The following PDE1C variants were observed in gnomAD, a reference collection of about 807,000 sequenced individuals.
The protein encoded by PDE1C is phosphodiesterase 1C.
Under a neutral mutation model 93.1 loss-of-function variants are expected in PDE1C, and 62 were observed. The ratio of observed to expected loss-of-function variants is 0.67; its 90% CI spans 0.54 to 0.82. The LOEUF is 0.82. Among genes scored for constraint, PDE1C ranks in the 40% least tolerant of loss-of-function variants. The probability of loss-of-function intolerance (pLI) is 0.00; values close to 1 mark genes in which losing one functional copy is unlikely to be tolerated. For synonymous variants in PDE1C, 325 were observed against 310.1 expected (o/e 1.05, Z -0.50); for missense variants, 742 against 884.6 (o/e 0.84, Z 2.04).
intron 1 of PDE1C, among the ~76,000 whole-genome samples, chr7:32,381,524 G>A (rs182837978): frequency 2.6e-5 from 4 of 152,130 alleles, no homozygotes; most frequent in African/African-American, 9.6e-5. Context: ...ACCCACTCCA[G>A]CACCCTGGCC....
At chr7:32,291,170 T>C (rs537900783) in intron 1 of PDE1C, among the ~76,000 whole-genome samples, 63 of 152,270 alleles carry the variant, frequency 4.1e-4, no homozygotes, top group African/African-American at 1.5e-3. Flanking sequence ...GTTAAGTAAC[T>C]TGTCCAAAAT....
the PDE1C span, among the ~76,000 whole-genome samples, chr7:31,730,488 G>C: frequency 6.6e-6 from 1 of 152,168 alleles, no homozygotes; most frequent in Non-Finnish European, 1.5e-5. Flanking sequence ...CAGGGTGTTT[G>C]TCTCAGTCTG....
chr7:31,816,155 C>T lies in PDE1C; in HGVS notation c.1583-1G>A. ...TCTGCTTCCTTCTTGGCCTTCTCCT[C>T]TGCATCCATGGCAAGTTGGGAAAGC... On this transcript the variant is annotated splice_acceptor_variant, in intron 14 of 17. Coordinates refer to ENST00000396191, the MANE Select transcript of PDE1C (RefSeq NM_001191057.4). LOFTEE classifies it high-confidence loss of function. The T allele has an allele frequency of 1.9e-6, 3 of 1,612,216 alleles. No homozygotes were observed. Among genetic ancestry groups the T allele is most frequent in the Admixed American group, 1.7e-5 (1 of 59,636 alleles).
intron 2 of PDE1C, among the ~76,000 whole-genome samples, chr7:32,205,750 C>T (rs1420266318): frequency 1.3e-5 from 2 of 152,162 alleles, no homozygotes; most frequent in East Asian, 1.9e-4. Context: ...ACTCCTGAAG[C>T]CAGCGAGACC....
chr7:32,198,483 T>C (rs145047300), intron 2 of PDE1C, among the ~76,000 whole-genome samples: 182 of 152,336 alleles, frequency 1.2e-3, no homozygotes, highest in African/African-American at 3.8e-3. Context: ...TTGAGTGAGA[T>C]GTAAGCCTTT....
chr7:32,065,149 A>G (rs1395720102), intron 1 of PDE1C, among the ~76,000 whole-genome samples: 1 of 151,450 alleles, frequency 6.6e-6, no homozygotes, highest in African/African-American at 2.4e-5. Context: ...ACCCAACCAT[A>G]CTCTCTCCTT....
chr7:31,983,673 C>T lies in PDE1C; in HGVS notation c.128+67881G>A, dbSNP rs567428314. ...CATGGTTTACAGGGAAGGATACTGCCGTGGCTGCACAGACCTTTAGTGTCT... is the reference window on the plus strand; with the variant it reads ...CATGGTTTACAGGGAAGGATACTGCTGTGGCTGCACAGACCTTTAGTGTCT... On this transcript the variant is annotated intron_variant, in intron 2 of 17. Coordinates refer to ENST00000396191, the MANE Select transcript of PDE1C (RefSeq NM_001191057.4). Among the ~76,000 whole-genome samples, 127 of 152,178 alleles carry T rather than the reference C, an allele frequency of 8.3e-4. 2 individuals are homozygous for T. The Middle Eastern group carries it at 0.024, about 29-fold the overall frequency.
At chr7:31,933,718 C>T (rs1369990412) in intron 2 of PDE1C, among the ~76,000 whole-genome samples, 1 of 152,176 alleles carries the variant, frequency 6.6e-6, no homozygotes, top group East Asian at 1.9e-4. Flanking sequence ...AGTGAGCTCT[C>T]ACTCTAAGCT....
At chr7:32,327,568 A>C (rs1486915320) in intron 1 of PDE1C, among the ~76,000 whole-genome samples, 1 of 152,168 alleles carries the variant, frequency 6.6e-6, no homozygotes, top group Admixed American at 6.5e-5. Context: ...GGAGATCAAG[A>C]CCATCCTGGC....
chr7:32,089,450 A>G (rs1213628656), intron 3 of PDE1C, among the ~76,000 whole-genome samples: 2 of 152,160 alleles, frequency 1.3e-5, no homozygotes, highest in African/African-American at 4.8e-5. Flanking sequence ...CCCTCTGACA[A>G]TGGTACTATG....
the PDE1C span, among the ~76,000 whole-genome samples, chr7:31,640,832 C>T: frequency 6.6e-6 from 1 of 152,128 alleles, no homozygotes; most frequent in East Asian, 1.9e-4. Flanking sequence ...AATATGCATT[C>T]TCAAAATTTT....
At chr7:31,676,232 C>A in the PDE1C span, among the ~76,000 whole-genome samples, 1 of 152,114 alleles carries the variant, frequency 6.6e-6, no homozygotes, top group East Asian at 1.9e-4. Context: ...ATGTACCCAG[C>A]ACAGTCCTAA....
chr7:32,088,408 C>T (rs1563302456), intron 3 of PDE1C, among the ~76,000 whole-genome samples: 1 of 152,222 alleles, frequency 6.6e-6, no homozygotes, highest in African/African-American at 2.4e-5. Flanking sequence ...TCCTTTTGTG[C>T]TGCCTGAAAT....
At chr7:31,808,644 CA>C (rs1263685154) in intron 16 of PDE1C, among the ~76,000 whole-genome samples, 1 of 151,758 alleles carries the variant, frequency 6.6e-6, no homozygotes, top group African/African-American at 2.4e-5. Flanking sequence ...AAACATAAAA[CA>C]TGGAACATTT....
At chr7:32,123,219 A>G (rs781159158) in intron 3 of PDE1C, among the ~76,000 whole-genome samples, 2 of 152,192 alleles carry the variant, frequency 1.3e-5, no homozygotes, top group African/African-American at 2.4e-5. Context: ...GGGAGTCATT[A>G]ATAGCCCACC....
At chr7:32,115,423 G>A (rs911747120) in intron 3 of PDE1C, among the ~76,000 whole-genome samples, 3 of 152,078 alleles carry the variant, frequency 2.0e-5, no homozygotes, top group African/African-American at 7.2e-5. Context: ...AACAATAAGA[G>A]CATGTGGACA....
At chr7:32,065,875 A>G (rs1446895808) in intron 1 of PDE1C, among the ~76,000 whole-genome samples, 1 of 152,210 alleles carries the variant, frequency 6.6e-6, no homozygotes, top group African/African-American at 2.4e-5. Flanking sequence ...AATTCAAAAC[A>G]TCCTAAGCAA....
At chr7:31,695,475 T>C in the PDE1C span, 7 of 1,603,398 alleles carry the variant, frequency 4.4e-6, no homozygotes, top group Non-Finnish European at 5.9e-6. Flanking sequence ...TTAGATGATC[T>C]TTCAGACCAG....
At chr7:32,000,182 G>C (rs1169780499) in intron 2 of PDE1C, among the ~76,000 whole-genome samples, 3 of 152,168 alleles carry the variant, frequency 2.0e-5, no homozygotes, top group Admixed American at 6.5e-5. Context: ...CACCGCTCAG[G>C]AAAGGGGGGA....
Sources: gnomAD v4.1 joint callset for allele counts (sites outside exome capture counted in the v4.1 genomes callset) on GRCh38, gnomAD v4.1.1 for gene constraint, MANE v1.5 for transcripts, NCBI Gene and HGNC (gene_info 2026-07-23, HGNC 2026-07-21) for gene names.